The following ABCC1 variants were observed in gnomAD, a reference collection of about 807,000 sequenced individuals.
The protein encoded by ABCC1 is ATP binding cassette subfamily C member 1 (ABCC1 blood group), also known as multidrug resistance-associated protein 1.
A neutral mutation model predicts 172.9 loss-of-function variants in ABCC1; 83 were observed. That is an observed-to-expected ratio of 0.48 (90% confidence interval 0.40 to 0.58). ABCC1 has a LOEUF of 0.58. Among genes scored for constraint, ABCC1 ranks in the 20% least tolerant of loss-of-function variants. ABCC1 has a pLI of 0.00. For synonymous variants in ABCC1, 937 were observed against 825.2 expected (o/e 1.14, Z -2.32); for missense variants, 1,817 against 2,002.7 (o/e 0.91, Z 1.77).
intron 1 of ABCC1, among the ~76,000 whole-genome samples, chr16:15,951,684 CT>C (rs1001619400): frequency 1.1e-4 from 16 of 146,288 alleles, no homozygotes; most frequent in South Asian, 2.1e-4. Flanking sequence ...TTTTTCTTTT[CT>C]TTTTTTTTTC....
At chr16:16,106,894 G>A (rs1302279881) in intron 21 of ABCC1, 21 bp downstream of exon 21, 1 of 1,613,650 alleles carries the variant, frequency 6.2e-7, no homozygotes, top group East Asian at 2.2e-5. Context: ...CTCCTTAAGT[G>A]ATGACAGTGG....
At chr16:15,954,893 GCTTC>G (rs1471348612) in intron 1 of ABCC1, among the ~76,000 whole-genome samples, 1 of 152,168 alleles carries the variant, frequency 6.6e-6, no homozygotes. Context: ...AAGAACGTGA[GCTTC>G]CTCTTCCCAT....
chr16:16,120,239 C>G (rs2045092252), intron 23 of ABCC1, among the ~76,000 whole-genome samples: 1 of 152,106 alleles, frequency 6.6e-6, no homozygotes, highest in Admixed American at 6.5e-5. Flanking sequence ...CCTAGCAACC[C>G]TTTGTTAGTT....
chr16:15,966,248 A>G (rs963744851), intron 1 of ABCC1, among the ~76,000 whole-genome samples: 3 of 150,998 alleles, frequency 2.0e-5, no homozygotes, highest in African/African-American at 7.4e-5. Context: ...CCCCATCTCT[A>G]CTAAAAATAC....
At chr16:15,955,382 C>T (rs1216998608) in intron 1 of ABCC1, among the ~76,000 whole-genome samples, 5 of 152,084 alleles carry the variant, frequency 3.3e-5, no homozygotes, top group African/African-American at 1.2e-4. Flanking sequence ...GCCACCTGTT[C>T]GCTGCTGTGC....
intron 1 of ABCC1, among the ~76,000 whole-genome samples, chr16:15,999,379 G>T (rs1179015635): frequency 6.6e-6 from 1 of 151,844 alleles, no homozygotes; most frequent in African/African-American, 2.4e-5. Flanking sequence ...ACTTTGGGAG[G>T]CTGAGGTGGG....
intron 9 of ABCC1, among the ~76,000 whole-genome samples, 157 bp from the exon 10 acceptor site, chr16:16,047,985 C>T (rs1047764725): frequency 1.3e-5 from 2 of 152,190 alleles, no homozygotes; most frequent in Non-Finnish European, 2.9e-5. Flanking sequence ...TGAGATGACA[C>T]AGGCGTCCTG....
intron 1 of ABCC1, among the ~76,000 whole-genome samples, chr16:15,968,928 C>A (rs115511725): frequency 6.6e-6 from 1 of 151,388 alleles, no homozygotes; most frequent in South Asian, 2.1e-4. Context: ...AAACAGTCAG[C>A]CAGGTGTGGT....
At chr16:16,074,947 CTTTTTTT>C (rs71137910) in intron 14 of ABCC1, among the ~76,000 whole-genome samples, 3 of 129,198 alleles carry the variant, frequency 2.3e-5, no homozygotes, top group Non-Finnish European at 5.0e-5. Flanking sequence ...TTTTCTTTTT[CTTTTTTT>C]TTTTTTTTTT....
rs1056775321 is a variant in ABCC1, at chr16:16,017,204, G to A, written c.615+583G>A. On this transcript the variant is annotated intron_variant, in intron 5 of 30. Coordinates refer to ENST00000399410, the MANE Select transcript of ABCC1 (RefSeq NM_004996.4). Reference sequence around the variant, plus strand: ...CACCGTTTCTGCTAGTAGAACAAAAGGGAACACTTTATTAATTTCCCTTAA... The same window carrying A: ...CACCGTTTCTGCTAGTAGAACAAAAAGGAACACTTTATTAATTTCCCTTAA... Among the ~76,000 whole-genome samples the A allele has an allele frequency of 2.8e-4, 43 of 152,180 alleles. 1 individual carries two copies. Among genetic ancestry groups the A allele is most frequent in the Admixed American group, 1.0e-3 (16 of 15,268 alleles).
chr16:16,069,864 A>T (rs578042183), intron 13 of ABCC1, among the ~76,000 whole-genome samples: 1 of 152,296 alleles, frequency 6.6e-6, no homozygotes, highest in Admixed American at 6.5e-5. Context: ...TCTCTACTAA[A>T]AATACAAAAA....
At chr16:16,105,718 T>C (rs568593957) in intron 20 of ABCC1, among the ~76,000 whole-genome samples, 16 of 149,468 alleles carry the variant, frequency 1.1e-4, no homozygotes, top group African/African-American at 3.7e-4. Context: ...TCTTTTCTTT[T>C]TTTTTTTTTT....
chr16:16,016,534 C>A lies in ABCC1; in HGVS notation c.528C>A (p.Tyr176Ter). 6.2e-7 allele frequency: 1 copy of A among 1,614,072 alleles called. No homozygotes were observed. Among genetic ancestry groups the A allele is most frequent in the Non-Finnish European group, 8.5e-7 (1 of 1,179,974 alleles). Reference protein sequence around the residue: ...QVDLFRDITFYVYFSLLLIQL... With the variant: ...QVDLFRDITF ...ACCTGTTTCGTGACATCACTTTCTACGTCTACTTTTCCCTCTTACTCATTC... is the reference window on the plus strand; with the variant it reads ...ACCTGTTTCGTGACATCACTTTCTAAGTCTACTTTTCCCTCTTACTCATTC... Residue 176 changes from tyrosine to a stop codon, truncating the protein, a stop_gained, in exon 5 of 31, where the codon TAC (tyrosine) becomes TAA (stop). Coordinates refer to ENST00000399410, the MANE Select transcript of ABCC1 (RefSeq NM_004996.4). LOFTEE classifies it high-confidence loss of function.
Position 16,026,035 on chromosome 16 carries a change from C to G in ABCC1, c.616-7074C>G, listed in dbSNP as rs146026013. Reference sequence around the variant, plus strand: ...ATGACATGCTCCCTGGATTACAATCCAGTGCCCCATGATTTTTTTTCCTCC... The same window carrying G: ...ATGACATGCTCCCTGGATTACAATCGAGTGCCCCATGATTTTTTTTCCTCC... On this transcript the variant is annotated intron_variant, in intron 5 of 30. Coordinates refer to ENST00000399410, the MANE Select transcript of ABCC1 (RefSeq NM_004996.4). Among the ~76,000 whole-genome samples, 230 of 152,242 alleles carry G rather than the reference C, an allele frequency of 1.5e-3. 5 individuals carry two copies. In the East Asian group the frequency reaches 0.035, roughly 23 times the overall value.
rs1173607432 is a variant in ABCC1 at position 16,138,373 on chromosome 16, G to C, written c.4302G>C (p.Gln1434His). ...TTTTCTTCCGGTCAAGTGTCGGGCA[G>C]CGCCAGCTTGTGTGCCTAGCCCGGG... ...AEGGENLSVG[Q>H]RQLVCLARAL... The change falls in exon 30 of 31, where the codon CAG (glutamine) becomes CAC (histidine). Residue 1434 changes from glutamine to histidine, a missense_variant. By Grantham distance (24) the Gln-to-His change is conservative (BLOSUM62 0). Transcript: ENST00000399410. 1 of 1,588,176 alleles carries C rather than the reference G, an allele frequency of 6.3e-7. No individual in the cohort carries two copies. Among genetic ancestry groups the C allele is most frequent in the Non-Finnish European group, 8.6e-7 (1 of 1,159,332 alleles).
intron 19 of ABCC1, among the ~76,000 whole-genome samples, chr16:16,090,965 A>C (rs1033513967): frequency 1.3e-5 from 2 of 152,158 alleles, no homozygotes; most frequent in Non-Finnish European, 2.9e-5. Context: ...AACTGAGGAC[A>C]TACGTGACAC....
intron 3 of ABCC1, among the ~76,000 whole-genome samples, chr16:16,012,700 T>C (rs1460419084): frequency 6.7e-6 from 1 of 149,550 alleles, no homozygotes; most frequent in Non-Finnish European, 1.5e-5. Context: ...TTTTTTTTTT[T>C]CCTTTGAGGC....
rs2048761055 is a variant in ABCC1 at position 16,036,481 on chromosome 16, C to T, written c.687C>T (p.Val229=). Residue 229 remains valine, a synonymous_variant, in exon 7 of 31, where the codon GTC becomes GTT. Transcript: ENST00000399410. ...ITFWWITGLI[V]RGYRQPLEGS... ...TGTGTCTTGGCCCCAGGTTGATTGT[C>T]CGGGGCTACCGCCAGCCCCTGGAGG... The T allele has an allele frequency of 1.2e-6, 2 of 1,613,186 alleles. No homozygotes were observed. Among genetic ancestry groups the T allele is most frequent in the African/African-American group, 1.3e-5 (1 of 74,916 alleles).
chr16:15,965,738 A>G (rs2046228523), intron 1 of ABCC1, among the ~76,000 whole-genome samples: 1 of 152,044 alleles, frequency 6.6e-6, no homozygotes, highest in Admixed American at 6.5e-5. Flanking sequence ...CTGGGATTAC[A>G]CATGTGTACC....
Sources: gnomAD v4.1 joint callset for allele counts (sites outside exome capture counted in the v4.1 genomes callset) on GRCh38, gnomAD v4.1.1 for gene constraint, MANE v1.5 for transcripts, NCBI Gene and HGNC (gene_info 2026-07-23, HGNC 2026-07-21) for gene names.